Variants in FAM89A observed in about 807,000 individuals in gnomAD.
The protein encoded by FAM89A is family with sequence similarity 89 member A.
Under a neutral mutation model 7.1 loss-of-function variants are expected in FAM89A, and 10 were observed. The observed-to-expected ratio is 1.40, with a 90% confidence interval of 0.86 to 2.38. The LOEUF (loss-of-function observed/expected upper bound fraction) is 2.38, where lower values mean the gene tolerates loss of function less well. Among genes scored for constraint, FAM89A ranks in the 30% most tolerant of loss-of-function variants. The pLI, the probability that FAM89A is intolerant of heterozygous loss-of-function variation, is 0.00. For missense variants in FAM89A, 276 were observed against 262.8 expected, an observed-to-expected ratio of 1.05 and a Z score of -0.35; for synonymous variants, 157 against 129.3, an observed-to-expected ratio of 1.21 and a Z score of -1.45.
At chr1:231,032,205 T>C (rs1000364900) in intron 1 of FAM89A, among the ~76,000 whole-genome samples, 3 of 152,232 alleles carry the variant, frequency 2.0e-5, no homozygotes, top group African/African-American at 7.2e-5. Context: ...AACTTAAACA[T>C]ATTTTAAAAT....
chr1:231,029,785 A>G (rs1680038388), intron 1 of FAM89A, among the ~76,000 whole-genome samples: 1 of 152,238 alleles, frequency 6.6e-6, no homozygotes, highest in South Asian at 2.1e-4. Context: ...TAAAAACACA[A>G]TGAATGAGTA....
Position 231,019,750 on chromosome 1 carries a change from T to G in FAM89A, c.*113A>C. On this transcript the variant is annotated 3_prime_UTR_variant, in exon 2 of 2. Transcript: ENST00000366654. ...AATGAAACTGGTAGCGCTCATCCCC[T>G]GTGCCCGAGGACCGTCCACAACGGA... 1 of 1,204,246 alleles carries G rather than the reference T, an allele frequency of 8.3e-7. No homozygotes were observed. The highest frequency in any genetic ancestry group is 1.2e-6 in the Non-Finnish European group (1 of 864,884). The allele number at this position is 1,204,246 out of a possible 1,614,324, so 74.6% of individuals were successfully genotyped here. A position where few individuals can be genotyped will look rare whatever the true frequency, so the allele number is the denominator to read the frequency against.
chr1:231,040,145 C>CT lies in FAM89A; in HGVS notation c.66_67insA (p.Gly23ArgfsTer122). On this transcript the variant is annotated frameshift_variant, in exon 1 of 2. Coordinates refer to ENST00000366654, the MANE Select transcript of FAM89A (RefSeq NM_198552.3). LOFTEE classifies it high-confidence loss of function. Reference sequence around the variant, plus strand: ...AAGCTCTTTGGCAGCGGGGGCAGCCCGTCCACCCGCAGCCCCCGGACCGCG... The same window carrying CT: ...AAGCTCTTTGGCAGCGGGGGCAGCCCTGTCCACCCGCAGCCCCCGGACCGCG... 7.5e-7 allele frequency: 1 copy of CT among 1,326,840 alleles called. No homozygotes were observed. Among genetic ancestry groups the CT allele is most frequent in the Non-Finnish European group, 9.7e-7 (1 of 1,031,504 alleles). The allele number at this position is 1,326,840 out of a possible 1,614,324, so 82.2% of individuals were successfully genotyped here.
chr1:231,034,270 G>C (rs148236907), intron 1 of FAM89A, among the ~76,000 whole-genome samples: 1 of 152,270 alleles, frequency 6.6e-6, no homozygotes, highest in East Asian at 1.9e-4. Context: ...GTAGGCATCA[G>C]AAAGAACCAT....
In FAM89A at chr1:231,040,174, T is replaced by C. The variant is rs1167104704; in HGVS notation, c.38A>G (p.Asn13Ser). 8.6e-7 allele frequency: 1 copy of C among 1,162,502 alleles called. No homozygotes were observed. Among genetic ancestry groups the C allele is most frequent in the African/African-American group, 1.6e-5 (1 of 60,836 alleles). The allele number at this position is 1,162,502 out of a possible 1,614,324, so 72.0% of individuals were successfully genotyped here. A position where few individuals can be genotyped will look rare whatever the true frequency, so the allele number is the denominator to read the frequency against. The change falls in exon 1 of 2, where the codon AAC becomes AGC. Residue 13 changes from asparagine (N) to serine (S), a missense_variant. Transcript: ENST00000366654. ...CACCCGCAGCCCCCGGACCGCGCCG[T>C]TGCCCGCGGCCCCGGGCGCCGCCCG... ...GARAAPGAAG[N>S]GAVRGLRVDG... is the part of the protein sequence containing the mutation.
intron 1 of FAM89A, among the ~76,000 whole-genome samples, chr1:231,031,630 C>T (rs1350336236): frequency 2.0e-5 from 3 of 152,190 alleles, no homozygotes; most frequent in Non-Finnish European, 4.4e-5. Flanking sequence ...CCAGACCACA[C>T]TTTGAAACTG....
intron 1 of FAM89A, chr1:231,021,903 AGTTGTT>A: frequency 1.9e-6 from 3 of 1,554,872 alleles, no homozygotes; most frequent in Non-Finnish European, 8.9e-7. Flanking sequence ...AGTGACGATG[AGTTGTT>A]GTCCAGGGAC....
At chr1:231,029,264 G>T (rs958446079) in intron 1 of FAM89A, among the ~76,000 whole-genome samples, 3 of 152,296 alleles carry the variant, frequency 2.0e-5, no homozygotes, top group Admixed American at 6.5e-5. Context: ...GAGGCAGGAG[G>T]ATCTGCTTGA....
Position 231,019,372 on chromosome 1 carries a change from G to A in FAM89A, c.*491C>T, listed in dbSNP as rs1041020083. On this transcript the variant is annotated 3_prime_UTR_variant, in exon 2 of 2. Transcript: ENST00000366654. ...ATGCAGCTTACAAATAAATAAAGCTGAGGCGAGAGGTTTAAACAGCAAGAA... is the reference window on the plus strand; with the variant it reads ...ATGCAGCTTACAAATAAATAAAGCTAAGGCGAGAGGTTTAAACAGCAAGAA... The A allele has an allele frequency of 6.5e-6, 1 of 153,190 alleles. No homozygotes were observed. Among genetic ancestry groups the A allele is most frequent in the African/African-American group, 2.4e-5 (1 of 41,430 alleles). 9.5% of individuals were successfully genotyped at this position (153,190 alleles called of 1,614,324 possible).
chr1:231,035,141 G>C (rs1426145971), intron 1 of FAM89A, among the ~76,000 whole-genome samples: 2 of 152,154 alleles, frequency 1.3e-5, no homozygotes, highest in African/African-American at 4.8e-5. Context: ...TACTCCACTG[G>C]GGTGTCAGCT....
intron 1 of FAM89A, among the ~76,000 whole-genome samples, chr1:231,025,339 C>T (rs1442665846): frequency 1.3e-5 from 2 of 152,066 alleles, no homozygotes; most frequent in Non-Finnish European, 2.9e-5. Context: ...TGGTTGAGGT[C>T]CCGACCCTCT....
At chr1:231,036,536 G>A (rs552403141) in intron 1 of FAM89A, among the ~76,000 whole-genome samples, 2 of 152,038 alleles carry the variant, frequency 1.3e-5, no homozygotes, top group African/African-American at 4.8e-5. Context: ...GAGGACTTAC[G>A]AGTAGTGCAG....
At chr1:231,037,550 G>A (rs997863019) in intron 1 of FAM89A, among the ~76,000 whole-genome samples, 6 of 152,082 alleles carry the variant, frequency 3.9e-5, no homozygotes, top group African/African-American at 1.4e-4. Flanking sequence ...TCATCTTCCT[G>A]TTGAGCCTCC....
chr1:231,033,013 CAT>C (rs1352377204), intron 1 of FAM89A, among the ~76,000 whole-genome samples: 1 of 152,248 alleles, frequency 6.6e-6, no homozygotes, highest in Non-Finnish European at 1.5e-5. Flanking sequence ...GGAAAGGCCA[CAT>C]GTCTTAATGA....
At chr1:231,026,697 C>T (rs574193202) in intron 1 of FAM89A, 1 of 152,316 alleles carries the variant, frequency 6.6e-6, no homozygotes, top group African/African-American at 2.4e-5. Flanking sequence ...TCCACTAACA[C>T]CCGTGGCCTT....
chr1:231,019,057 G>A lies in FAM89A; in HGVS notation c.*806C>T, dbSNP rs756649577. On this transcript the variant is annotated 3_prime_UTR_variant, in exon 2 of 2. Coordinates refer to ENST00000366654, the MANE Select transcript of FAM89A (RefSeq NM_198552.3). Reference sequence around the variant, plus strand: ...TAAGGCTTAAGGTAATTACTGGTTTGAGTGGCGGGTGGTTTGCTTTCTAGC... The same window carrying A: ...TAAGGCTTAAGGTAATTACTGGTTTAAGTGGCGGGTGGTTTGCTTTCTAGC... The A allele has an allele frequency of 1.6e-4, 24 of 152,124 alleles. No individual in the cohort carries two copies. Among genetic ancestry groups the A allele is most frequent in the Non-Finnish European group, 2.6e-4 (18 of 68,030 alleles). 9.4% of individuals were successfully genotyped at this position (152,124 alleles called of 1,614,324 possible). A position where few individuals can be genotyped will look rare whatever the true frequency, so the allele number is the denominator to read the frequency against.
In FAM89A at chr1:231,040,090, C is replaced by A. The variant is rs532061224; in HGVS notation, c.122G>T (p.Gly41Val). 1.4e-6 allele frequency: 2 copies of A among 1,438,838 alleles called. No individual in the cohort carries two copies. The highest frequency in any genetic ancestry group is 2.8e-5 in the South Asian group (2 of 71,874). The allele number at this position is 1,438,838 out of a possible 1,614,324, so 89.1% of individuals were successfully genotyped here. A position where few individuals can be genotyped will look rare whatever the true frequency, so the allele number is the denominator to read the frequency against. ...GTGCCGCCAGCCCCCAGACGCGCCG[C>A]CGCCCGACGCCGAGTGCAGCAGCCC... Reference protein sequence around the residue: ...LSGLLHSASGGGASGGWRHLE... With the variant: ...LSGLLHSASGVGASGGWRHLE... The change falls in exon 1 of 2, where the codon GGC becomes GTC. Residue 41 changes from glycine to valine, a missense_variant. Gly to Val is a moderately radical substitution (Grantham distance 109, BLOSUM62 -3). Transcript: ENST00000366654.
chr1:231,037,670 C>CAA (rs1179203011), intron 1 of FAM89A, among the ~76,000 whole-genome samples: 2 of 152,164 alleles, frequency 1.3e-5, no homozygotes, highest in African/African-American at 4.8e-5. Context: ...TCAGGCTTCT[C>CAA]AGAGTCCACT....
chr1:231,029,100 A>G (rs1680025209), intron 1 of FAM89A, among the ~76,000 whole-genome samples: 1 of 152,240 alleles, frequency 6.6e-6, no homozygotes, highest in Non-Finnish European at 1.5e-5. Context: ...CCACTAGGAA[A>G]CAAGGCTTAA....
Sources: allele counts gnomAD v4.1 joint callset (sites outside exome capture counted in the v4.1 genomes callset), GRCh38; gene constraint gnomAD v4.1.1; transcripts MANE v1.5; gene names NCBI Gene and HGNC (gene_info 2026-07-23, HGNC 2026-07-21).